PEBP4: variants seen among roughly 807,000 people sequenced by gnomAD.
The protein encoded by PEBP4 is phosphatidylethanolamine binding protein 4.
PEBP4 carries 22 observed loss-of-function variants against 23.9 expected under a neutral mutation model. The ratio of observed to expected loss-of-function variants is 0.92; its 90% CI spans 0.66 to 1.31. The LOEUF (loss-of-function observed/expected upper bound fraction) is 1.31. Among genes scored for constraint, PEBP4 ranks in the 40% most tolerant of loss-of-function variants. The pLI is 0.00. For missense variants in PEBP4, 324 were observed against 281.7 expected (o/e 1.15, Z -1.07); for synonymous variants, 112 against 99.3 (o/e 1.13, Z -0.76).
At chr8:22,810,877 T>TGAGAGAGAGAGAGAGAGA (rs33995327) in intron 4 of PEBP4, among the ~76,000 whole-genome samples, 9 of 137,140 alleles carry the variant, frequency 6.6e-5, no homozygotes, top group African/African-American at 2.0e-4. Context: ...CTCAGAGTGC[T>TGAGAGAGAGAGAGAGAGA]GAGAGAGAGA....
Position 22,909,007 on chromosome 8 carries a change from G to C in PEBP4, c.258+11177C>G, listed in dbSNP as rs1040536253. 4.6e-5 allele frequency among the ~76,000 whole-genome samples: 7 copies of C among 152,194 alleles called. No individual in the cohort carries two copies. The East Asian group carries it at 1.3e-3, about 29-fold the overall frequency. ...AAGTGGCAAAGAGAGATAGGGCAGG[G>C]GTTGCAGAGAGAGGTGAACCCACCC... is the stretch of plus-strand genomic sequence containing the variant. On this transcript the variant is annotated intron_variant, in intron 3 of 6. Coordinates refer to ENST00000256404, the MANE Select transcript of PEBP4 (RefSeq NM_144962.3).
chr8:22,860,515 C>T (rs572153810), intron 3 of PEBP4, among the ~76,000 whole-genome samples: 1 of 152,226 alleles, frequency 6.6e-6, no homozygotes, highest in South Asian at 2.1e-4. Context: ...TTTCACTTAG[C>T]ATAATGTCCT....
upstream of PEBP4, among the ~76,000 whole-genome samples, chr8:22,932,497 G>C (rs542517441): frequency 6.6e-6 from 1 of 152,144 alleles, no homozygotes; most frequent in African/African-American, 2.4e-5. Flanking sequence ...CCAAGCTCTT[G>C]TTCCCTCATG....
intron 3 of PEBP4, among the ~76,000 whole-genome samples, chr8:22,900,711 G>A (rs1015813946): frequency 6.6e-6 from 1 of 152,000 alleles, no homozygotes; most frequent in Non-Finnish European, 1.5e-5. Flanking sequence ...ACTAGCCTAG[G>A]AGGTTGAGAA....
At chr8:22,791,282 G>A (rs542205813) in intron 4 of PEBP4, among the ~76,000 whole-genome samples, 12 of 152,166 alleles carry the variant, frequency 7.9e-5, no homozygotes, top group South Asian at 4.2e-4. Context: ...TCTTGTCTCC[G>A]GTCCTGCAGT....
chr8:22,870,341 T>C (rs963744138), intron 3 of PEBP4, among the ~76,000 whole-genome samples: 3 of 150,410 alleles, frequency 2.0e-5, no homozygotes, highest in Admixed American at 6.6e-5. Context: ...TTTAAAAAGA[T>C]TACATGCGGT....
At chr8:22,882,580 G>A (rs1808287030) in intron 3 of PEBP4, among the ~76,000 whole-genome samples, 1 of 152,232 alleles carries the variant, frequency 6.6e-6, no homozygotes, top group Non-Finnish European at 1.5e-5. Flanking sequence ...AGAGAAAGCA[G>A]CCGCAAATGT....
intron 4 of PEBP4, among the ~76,000 whole-genome samples, chr8:22,812,454 T>G (rs544801033): frequency 1.5e-3 from 230 of 152,342 alleles, no homozygotes; most frequent in African/African-American, 5.2e-3. Flanking sequence ...GCCACCTCTG[T>G]GCTGTCTCCA....
At chr8:22,729,749 A>C (rs1804694015) in intron 4 of PEBP4, among the ~76,000 whole-genome samples, 1 of 152,332 alleles carries the variant, frequency 6.6e-6, no homozygotes, top group South Asian at 2.1e-4. Flanking sequence ...TCCCACGGAC[A>C]GGTGCTGGTC....
At chr8:22,887,597 T>G (rs1808409624) in intron 3 of PEBP4, 1 of 151,674 alleles carries the variant, frequency 6.6e-6, no homozygotes, top group South Asian at 2.1e-4. Context: ...AAACTCCATC[T>G]CTATAAAACC....
intron 3 of PEBP4, among the ~76,000 whole-genome samples, chr8:22,834,558 C>T (rs1453490937): frequency 6.6e-6 from 1 of 152,214 alleles, no homozygotes; most frequent in Admixed American, 6.5e-5. Context: ...AGATCCTCCT[C>T]CCTTGCTTGC....
At chr8:22,778,476 T>C (rs1337643973) in intron 4 of PEBP4, among the ~76,000 whole-genome samples, 1 of 151,894 alleles carries the variant, frequency 6.6e-6, no homozygotes, top group African/African-American at 2.4e-5. Context: ...CCTCCGCCTC[T>C]TGGGTTCGAG....
chr8:22,759,249 AGGCCCAGG>A (rs1805453530), intron 4 of PEBP4, among the ~76,000 whole-genome samples: 1 of 109,728 alleles, frequency 9.1e-6, no homozygotes, highest in African/African-American at 3.5e-5. Flanking sequence ...GCATAGACGG[AGGCCCAGG>A]GAGGCCCAGG....
chr8:22,823,755 G>A (rs189059693), intron 3 of PEBP4, among the ~76,000 whole-genome samples: 1 of 152,020 alleles, frequency 6.6e-6, no homozygotes, highest in African/African-American at 2.4e-5. Flanking sequence ...ATGAAAAAAT[G>A]TGATTATCTT....
At chr8:22,815,368 TAACA>T (rs1414750841) in intron 4 of PEBP4, among the ~76,000 whole-genome samples, 1 of 152,216 alleles carries the variant, frequency 6.6e-6, no homozygotes, top group East Asian at 1.9e-4. Flanking sequence ...AGCTGCATTT[TAACA>T]AGCTCGTCTG....
At position 22,799,505 on chromosome 8, in the gene PEBP4, A is replaced by T. The variant is rs554320544; in HGVS notation, c.357+18132T>A. On this transcript the variant is annotated intron_variant, in intron 4 of 6. Coordinates refer to ENST00000256404, the MANE Select transcript of PEBP4 (RefSeq NM_144962.3). ...AACTTCTAAAATTGCAGTCATTGGC[A>T]GGGGCCAGGTTAAGGCTCACAAAAT... Among the ~76,000 whole-genome samples, 26 of 152,380 alleles carry T rather than the reference A, an allele frequency of 1.7e-4. No homozygotes were observed. The South Asian group carries it at 2.5e-3, about 15-fold the overall frequency.
At chr8:22,739,451 A>G (rs1181739014) in intron 4 of PEBP4, among the ~76,000 whole-genome samples, 1 of 152,016 alleles carries the variant, frequency 6.6e-6, no homozygotes, top group African/African-American at 2.4e-5. Context: ...GGGTGGCTGC[A>G]CCTCCAAGAG....
At chr8:22,794,872 T>A (rs2128757520) in intron 4 of PEBP4, among the ~76,000 whole-genome samples, 1 of 152,178 alleles carries the variant, frequency 6.6e-6, no homozygotes, top group Admixed American at 6.5e-5. Flanking sequence ...AACATTTAAA[T>A]AGCTAATCCA....
chr8:22,818,142 G>C (rs1027363901), intron 3 of PEBP4, among the ~76,000 whole-genome samples: 10 of 152,184 alleles, frequency 6.6e-5, no homozygotes, highest in African/African-American at 2.4e-4. Context: ...CTTATTTTGT[G>C]TCAAGAACGG....
Sources: gnomAD v4.1 joint callset for allele counts (sites outside exome capture counted in the v4.1 genomes callset) on GRCh38, gnomAD v4.1.1 for gene constraint, MANE v1.5 for transcripts, NCBI Gene and HGNC (gene_info 2026-07-23, HGNC 2026-07-21) for gene names.